Variants in CRACDL observed in about 807,000 individuals in gnomAD.
CRACDL encodes CRACD like.
A neutral mutation model predicts 70.6 loss-of-function variants in CRACDL; 26 were observed. The ratio of observed to expected loss-of-function variants is 0.37; its 90% confidence interval spans 0.27 to 0.51. CRACDL has a LOEUF of 0.51. Ranked by LOEUF, CRACDL falls within the 20% of genes least tolerant of loss-of-function variation. The pLI is 0.94. For synonymous variants in CRACDL, 618 were observed against 615.2 expected (o/e 1.00, Z -0.07); for missense variants, 1,283 against 1,376.9 (o/e 0.93, Z 1.08).
chr2:98,932,135 G>A (rs1250689223), intron 1 of CRACDL, among the ~76,000 whole-genome samples: 1 of 152,212 alleles, frequency 6.6e-6, no homozygotes, highest in East Asian at 1.9e-4. Context: ...TGTCTGTGTT[G>A]TCCTACCCAC....
At chr2:98,865,391 C>G (rs1356572635) in intron 1 of CRACDL, among the ~76,000 whole-genome samples, 1 of 152,058 alleles carries the variant, frequency 6.6e-6, no homozygotes, top group Non-Finnish European at 1.5e-5. Context: ...AAAACTTACC[C>G]ATTTTACATG....
chr2:98,797,863 T>C lies in CRACDL; in HGVS notation c.2417-326A>G, dbSNP rs144750680. On this transcript the variant is annotated intron_variant, in intron 7 of 9. Coordinates refer to ENST00000397899, the MANE Select transcript of CRACDL (RefSeq NM_207362.3). ...ATAAAATTTCTTTAATATAATCCTG[T>C]CATTTTGGACCAGTATGTACTGGTC... Among the ~76,000 whole-genome samples, 9 of 152,300 alleles carry C rather than the reference T, an allele frequency of 5.9e-5. 1 individual carries two copies. The East Asian group carries it at 1.7e-3, about 29-fold the overall frequency.
intron 1 of CRACDL, among the ~76,000 whole-genome samples, chr2:98,890,329 C>T (rs916881704): frequency 1.3e-5 from 2 of 152,054 alleles, no homozygotes; most frequent in African/African-American, 4.8e-5. Flanking sequence ...GACATCACTA[C>T]CAACATTACA....
chr2:98,930,973 C>T (rs13417139), intron 1 of CRACDL, among the ~76,000 whole-genome samples: 51,801 of 151,638 alleles, frequency 0.34, 9,455 homozygotes, highest in African/African-American at 0.47. Context: ...TGTCTACCAC[C>T]CCCCCACCCC....
At chr2:98,850,815 A>G (rs1488701753) in intron 1 of CRACDL, among the ~76,000 whole-genome samples, 1 of 151,468 alleles carries the variant, frequency 6.6e-6, no homozygotes, top group Admixed American at 6.6e-5. Flanking sequence ...GGGCCGCCCC[A>G]CTCCCTCTCC....
At chr2:98,799,447 C>T (rs952597686) in intron 7 of CRACDL, among the ~76,000 whole-genome samples, 24 of 152,066 alleles carry the variant, frequency 1.6e-4, no homozygotes, top group Admixed American at 9.2e-4. Context: ...CAGCCAGGGA[C>T]GGCTCTCACT....
intron 7 of CRACDL, among the ~76,000 whole-genome samples, chr2:98,817,982 C>G (rs1003324155): frequency 2.6e-5 from 4 of 151,424 alleles, no homozygotes; most frequent in African/African-American, 7.3e-5. Context: ...ATTTTTTTTT[C>G]TACATACTTT....
intron 1 of CRACDL, among the ~76,000 whole-genome samples, chr2:98,909,499 A>C (rs563422198): frequency 2.0e-5 from 3 of 152,326 alleles, no homozygotes; most frequent in Admixed American, 1.3e-4. Context: ...ATCTGGACCC[A>C]AGCAACCGTC....
At chr2:98,891,309 AG>A (rs545323942) in intron 1 of CRACDL, among the ~76,000 whole-genome samples, 5,962 of 145,432 alleles carry the variant, frequency 0.041, 322 homozygotes, top group East Asian at 0.14. Context: ...TGTCGGAGGC[AG>A]AGGCTGCAGT....
intron 2 of CRACDL, among the ~76,000 whole-genome samples, chr2:98,844,549 T>C (rs1706170039): frequency 6.6e-6 from 1 of 152,166 alleles, no homozygotes; most frequent in Non-Finnish European, 1.5e-5. Flanking sequence ...TTAACAAATA[T>C]GAGCCCACAC....
Position 98,882,472 on chromosome 2 carries a change from A to T in CRACDL, c.-10-35662T>A, listed in dbSNP as rs563986767. On this transcript the variant is annotated intron_variant, in intron 1 of 9. Coordinates refer to ENST00000397899, the MANE Select transcript of CRACDL (RefSeq NM_207362.3). The stretch of plus-strand genomic sequence containing the variant: ...ATTTTCAGAATTGTTGCAAGAGAAT[A>T]TTTCTTTTCTGCTGGGCCTGGGAAA... Among the ~76,000 whole-genome samples, 11 of 152,322 alleles carry T rather than the reference A, an allele frequency of 7.2e-5. No individual in the cohort carries two copies. In the East Asian group the frequency reaches 2.1e-3, roughly 29 times the overall value.
intron 7 of CRACDL, 121 bp downstream of exon 7, chr2:98,821,736 C>T (rs1705037955): frequency 7.8e-7 from 1 of 1,284,280 alleles, no homozygotes; most frequent in Non-Finnish European, 1.1e-6. Context: ...ATTCTGACTC[C>T]TTCCAATTCC....
chr2:98,796,053 C>G, intron 9 of CRACDL, 67 bp downstream of exon 9: 1 of 1,539,322 alleles, frequency 6.5e-7, no homozygotes, highest in South Asian at 1.1e-5. Flanking sequence ...CAAACCAAAA[C>G]TCAAACTGCA....
intron 1 of CRACDL, among the ~76,000 whole-genome samples, chr2:98,850,095 C>T (rs773348086): frequency 6.6e-6 from 1 of 152,338 alleles, no homozygotes; most frequent in African/African-American, 2.4e-5. Context: ...AGCAGGTAAG[C>T]GCCAGTCTTC....
chr2:98,835,208 A>G (rs973335711), intron 3 of CRACDL, among the ~76,000 whole-genome samples: 1 of 152,236 alleles, frequency 6.6e-6, no homozygotes, highest in African/African-American at 2.4e-5. Flanking sequence ...CAGCAAATTA[A>G]TGGTTAATTT....
At chr2:98,867,642 G>A (rs1182841584) in intron 1 of CRACDL, among the ~76,000 whole-genome samples, 1 of 152,128 alleles carries the variant, frequency 6.6e-6, no homozygotes, top group Admixed American at 6.5e-5. Context: ...CATAATTCTT[G>A]GGAAGATACA....
Position 98,853,943 on chromosome 2 carries a change from A to G in CRACDL, c.-10-7133T>C, listed in dbSNP as rs548618457. On this transcript the variant is annotated intron_variant, in intron 1 of 9. Transcript: ENST00000397899. The stretch of plus-strand genomic sequence containing the variant: ...ACACCCAAAAATTCAATTAACCCCA[A>G]AAAAGGCAGAACAGAGGAACAAAAC... 4.6e-5 allele frequency among the ~76,000 whole-genome samples: 7 copies of G among 152,284 alleles called. No homozygotes were observed. The South Asian group carries it at 1.2e-3, about 27-fold the overall frequency.
At chr2:98,849,591 G>GA (rs1166273520) in intron 1 of CRACDL, among the ~76,000 whole-genome samples, 2 of 151,998 alleles carry the variant, frequency 1.3e-5, no homozygotes, top group African/African-American at 4.8e-5. Context: ...GGGAGCATGG[G>GA]AGGGGATGCA....
intron 1 of CRACDL, among the ~76,000 whole-genome samples, chr2:98,901,760 C>T (rs911187782): frequency 5.3e-5 from 8 of 152,184 alleles, no homozygotes; most frequent in African/African-American, 1.9e-4. Flanking sequence ...GTGAACCCCC[C>T]TGGGTGTGCA....
Sources: gnomAD v4.1 joint callset for allele counts (sites outside exome capture counted in the v4.1 genomes callset) on GRCh38, gnomAD v4.1.1 for gene constraint, MANE v1.5 for transcripts, NCBI Gene and HGNC (gene_info 2026-07-23, HGNC 2026-07-21) for gene names.